Variants in DIAPH3 observed in about 807,000 individuals in gnomAD.
The protein encoded by DIAPH3 is protein diaphanous homolog 3.
Under a neutral mutation model 144.3 loss-of-function variants are expected in DIAPH3, and 117 were observed. That is an observed-to-expected ratio of 0.81 (90% confidence interval 0.70 to 0.95). The LOEUF (loss-of-function observed/expected upper bound fraction) is 0.95, where lower values mean the gene tolerates loss of function less well. DIAPH3 is among the 40% of genes least tolerant of loss of function. The probability of loss-of-function intolerance (pLI) is 0.00; values close to 1 mark genes in which losing one functional copy is unlikely to be tolerated. For missense variants in DIAPH3, 1,421 were observed against 1,412.7 expected (o/e 1.01, Z -0.09); for synonymous variants, 519 against 488.9 (o/e 1.06, Z -0.81).
intron 25 of DIAPH3, among the ~76,000 whole-genome samples, chr13:59,790,965 T>TTTATTTTATTTATTTTTATTTA (rs1238063047): frequency 1.5e-4 from 23 of 152,170 alleles, no homozygotes; most frequent in Non-Finnish European, 3.2e-4. Flanking sequence ...TTTATTTTAT[T>TTTATTTTATTTATTTTTATTTA]TTTATTTATT....
At chr13:59,859,607 T>G (rs970979175) in intron 22 of DIAPH3, among the ~76,000 whole-genome samples, 1 of 152,204 alleles carries the variant, frequency 6.6e-6, no homozygotes, top group African/African-American at 2.4e-5. Context: ...GTACCTACCA[T>G]GTTTTCATCC....
At chr13:60,004,978 C>T (rs1350231802) in intron 9 of DIAPH3, among the ~76,000 whole-genome samples, 1 of 152,162 alleles carries the variant, frequency 6.6e-6, no homozygotes, top group Non-Finnish European at 1.5e-5. Context: ...GAAAACATTG[C>T]TCTAAGCTCT....
At position 59,861,541 on chromosome 13, in the gene DIAPH3, A is replaced by G; in HGVS notation, c.2608-5T>C. ...TGCTGATTTTGTGTCCTTTAGCTAA[A>G]TAGAACAGGAGGGAGAAAAAACACA... On this transcript the variant is annotated splice_polypyrimidine_tract_variant and splice_region_variant and intron_variant, in intron 21 of 27. Coordinates refer to ENST00000400324, the MANE Select transcript of DIAPH3 (RefSeq NM_001042517.2). 1 of 1,613,604 alleles carries G rather than the reference A, an allele frequency of 6.2e-7. No individual in the cohort carries two copies. The highest frequency in any genetic ancestry group is 8.5e-7 in the Non-Finnish European group (1 of 1,179,734).
At chr13:59,727,711 G>A (rs968886921) in intron 27 of DIAPH3, among the ~76,000 whole-genome samples, 15 of 152,258 alleles carry the variant, frequency 9.9e-5, no homozygotes, top group Admixed American at 8.5e-4. Context: ...AAGACGTGAT[G>A]TAGAGAAAAT....
chr13:59,961,950 AC>A, intron 17 of DIAPH3, among the ~76,000 whole-genome samples: 1 of 152,190 alleles, frequency 6.6e-6, no homozygotes, highest in East Asian at 1.9e-4. Context: ...ACCTAAGTAT[AC>A]TTTTATTAAT....
At chr13:59,897,202 C>A (rs1180973962) in intron 20 of DIAPH3, among the ~76,000 whole-genome samples, 3 of 152,086 alleles carry the variant, frequency 2.0e-5, no homozygotes, top group African/African-American at 7.2e-5. Flanking sequence ...ACATTAGAAG[C>A]ACAAGGGAGC....
intron 13 of DIAPH3, 69 bp from the exon 14 acceptor site, chr13:59,980,928 G>T: frequency 7.7e-7 from 1 of 1,299,814 alleles, no homozygotes; most frequent in Admixed American, 1.8e-5. Flanking sequence ...CAAAAGTTTA[G>T]AAAGAAAAAA....
chr13:59,903,703 C>T (rs1423560872), intron 20 of DIAPH3, among the ~76,000 whole-genome samples: 1 of 151,634 alleles, frequency 6.6e-6, no homozygotes, highest in Non-Finnish European at 1.5e-5. Flanking sequence ...GAGAAATCAT[C>T]TACAGATTCA....
At chr13:60,127,310 A>G (rs2059015835) in intron 2 of DIAPH3, among the ~76,000 whole-genome samples, 5 of 152,134 alleles carry the variant, frequency 3.3e-5, no homozygotes, top group Admixed American at 3.3e-4. Flanking sequence ...AAAGACATAA[A>G]CTACCAAGGC....
At chr13:59,774,279 T>C in intron 26 of DIAPH3, 31 bp from the exon 27 acceptor site, 1 of 1,566,968 alleles carries the variant, frequency 6.4e-7, no homozygotes, top group Non-Finnish European at 8.7e-7. Context: ...ATAAACTTAA[T>C]ATAGAGGTCT....
intron 12 of DIAPH3, among the ~76,000 whole-genome samples, chr13:59,984,926 T>G (rs1457764174): frequency 9.7e-6 from 1 of 102,732 alleles, no homozygotes; most frequent in Non-Finnish European, 1.9e-5. Flanking sequence ...CTTCTGAAAC[T>G]ATTCCAATCA....
chr13:60,052,174 A>G (rs557184046), intron 4 of DIAPH3, among the ~76,000 whole-genome samples: 3 of 152,122 alleles, frequency 2.0e-5, no homozygotes, highest in Non-Finnish European at 4.4e-5. Flanking sequence ...GGAGAGAAGT[A>G]AGGGCATGGC....
rs1429537457 is a variant in DIAPH3, at chr13:59,911,998, T to C, written c.2266-162A>G. ...AGCCTTAAGCAAAATTCCCTGCATC[T>C]TGAAAACAGTCAATTTTCCATTTCT... On this transcript the variant is annotated intron_variant, in intron 19 of 27. Coordinates refer to ENST00000400324, the MANE Select transcript of DIAPH3 (RefSeq NM_001042517.2). Among the ~76,000 whole-genome samples the C allele has an allele frequency of 2.0e-5, 3 of 152,176 alleles. No individual in the cohort carries two copies. In the East Asian group the frequency reaches 5.8e-4, roughly 29 times the overall value.
chr13:59,967,917 G>A (rs1200610863), intron 17 of DIAPH3, among the ~76,000 whole-genome samples: 1 of 152,056 alleles, frequency 6.6e-6, no homozygotes, highest in Admixed American at 6.6e-5. Flanking sequence ...AGAAAAAAAA[G>A]AAAGCAGCAT....
chr13:59,854,792 C>T (rs910073632), intron 22 of DIAPH3, among the ~76,000 whole-genome samples: 3 of 152,234 alleles, frequency 2.0e-5, no homozygotes, highest in Non-Finnish European at 2.9e-5. Context: ...ACTTCAAATC[C>T]GTAGCTGGCC....
intron 22 of DIAPH3, among the ~76,000 whole-genome samples, chr13:59,852,649 C>T (rs887824876): frequency 6.6e-6 from 1 of 152,156 alleles, no homozygotes; most frequent in Admixed American, 6.6e-5. Context: ...CACTTATGAT[C>T]CTGTACACTT....
At chr13:59,830,484 C>G (rs1043761735) in intron 24 of DIAPH3, among the ~76,000 whole-genome samples, 2 of 151,784 alleles carry the variant, frequency 1.3e-5, no homozygotes, top group African/African-American at 4.8e-5. Context: ...GCAGTGTACA[C>G]ATGAATGTGT....
intron 1 of DIAPH3, among the ~76,000 whole-genome samples, chr13:60,142,512 C>T (rs927403694): frequency 2.0e-5 from 3 of 152,100 alleles, no homozygotes; most frequent in African/African-American, 4.8e-5. Flanking sequence ...TTAAACATAA[C>T]TCTGAGGACC....
At chr13:59,734,246 C>T (rs2036028497) in intron 27 of DIAPH3, among the ~76,000 whole-genome samples, 1 of 152,048 alleles carries the variant, frequency 6.6e-6, no homozygotes, top group Non-Finnish European at 1.5e-5. Flanking sequence ...AGGAATGATA[C>T]ATAATACGTG....
Sources: allele counts gnomAD v4.1 joint callset (sites outside exome capture counted in the v4.1 genomes callset), GRCh38; gene constraint gnomAD v4.1.1; transcripts MANE v1.5; gene names NCBI Gene and HGNC (gene_info 2026-07-23, HGNC 2026-07-21).